Variants in FARS2 observed in about 807,000 individuals in gnomAD.
FARS2 encodes the protein phenylalanyl-tRNA synthetase 2, mitochondrial.
In FARS2, 40 loss-of-function variants were observed where a neutral mutation model predicts 46.4. That is an observed-to-expected ratio of 0.86 (90% CI 0.67 to 1.12). The LOEUF (loss-of-function observed/expected upper bound fraction) is 1.12, where lower values mean the gene tolerates loss of function less well. FARS2 is among the 50% of genes most tolerant of loss of function. FARS2 has a pLI of 0.00. For synonymous variants in FARS2, 234 were observed against 214.9 expected (o/e 1.09, Z -0.78); for missense variants, 513 against 567.9 (o/e 0.90, Z 0.98).
chr6:5,501,472 C>T (rs1215559382), intron 4 of FARS2, among the ~76,000 whole-genome samples: 4 of 151,866 alleles, frequency 2.6e-5, no homozygotes, highest in South Asian at 4.2e-4. Flanking sequence ...TTGGGGTTCT[C>T]ATTTTTTTAT....
chr6:5,261,782 C>G (rs1230256964), intron 1 of FARS2, 122 bp downstream of exon 1: 1 of 152,202 alleles, frequency 6.6e-6, no homozygotes, highest in Non-Finnish European at 1.5e-5. Flanking sequence ...GTGAAGAGTT[C>G]CCGTGGTTTT....
intron 4 of FARS2, among the ~76,000 whole-genome samples, chr6:5,456,472 G>C (rs575740771): frequency 6.7e-6 from 1 of 150,294 alleles, no homozygotes; most frequent in Admixed American, 6.6e-5. Context: ...GGTGGCTCAC[G>C]CCTGTAATCC....
At chr6:5,571,529 G>T (rs1772646604) in intron 5 of FARS2, among the ~76,000 whole-genome samples, 1 of 152,168 alleles carries the variant, frequency 6.6e-6, no homozygotes, top group Non-Finnish European at 1.5e-5. Flanking sequence ...CCTTTCCAGA[G>T]ATGGCTTTCT....
chr6:5,555,087 G>A (rs752697610), intron 5 of FARS2, among the ~76,000 whole-genome samples: 9 of 152,080 alleles, frequency 5.9e-5, no homozygotes, highest in Non-Finnish European at 1.2e-4. Context: ...AATCACGGGG[G>A]CGGTTTCCTC....
At chr6:5,470,832 G>T (rs1023473761) in intron 4 of FARS2, among the ~76,000 whole-genome samples, 11 of 152,172 alleles carry the variant, frequency 7.2e-5, no homozygotes, top group African/African-American at 2.7e-4. Context: ...AAGGTGAGTG[G>T]AAAGTAAAGA....
intron 2 of FARS2, among the ~76,000 whole-genome samples, chr6:5,388,267 G>C (rs187749921): frequency 6.6e-6 from 1 of 152,112 alleles, no homozygotes; most frequent in Non-Finnish European, 1.5e-5. Flanking sequence ...TGGCAGGGGG[G>C]AAATGGTTGC....
intron 5 of FARS2, among the ~76,000 whole-genome samples, chr6:5,557,365 T>C (rs1771723280): frequency 6.6e-6 from 1 of 152,142 alleles, no homozygotes; most frequent in Non-Finnish European, 1.5e-5. Flanking sequence ...CCACAAGCAT[T>C]ACCTCTTACG....
chr6:5,424,588 C>G (rs1215599394), intron 3 of FARS2, among the ~76,000 whole-genome samples: 1 of 152,084 alleles, frequency 6.6e-6, no homozygotes, highest in Non-Finnish European at 1.5e-5. Context: ...AAAATAGAAA[C>G]AGATATTTGT....
chr6:5,307,521 G>A (rs187136794), intron 1 of FARS2, among the ~76,000 whole-genome samples: 16 of 152,182 alleles, frequency 1.1e-4, no homozygotes, highest in Non-Finnish European at 5.9e-5. Context: ...AATTTCCGTC[G>A]TATCATATTG....
intron 4 of FARS2, among the ~76,000 whole-genome samples, chr6:5,473,326 A>T (rs1456721573): frequency 1.3e-5 from 2 of 152,004 alleles, no homozygotes; most frequent in Admixed American, 1.3e-4. Context: ...GGAGATTGAG[A>T]CCATCCTGGC....
intron 1 of FARS2, among the ~76,000 whole-genome samples, chr6:5,312,793 T>C (rs1769175981): frequency 2.0e-5 from 3 of 152,216 alleles, no homozygotes; most frequent in Admixed American, 6.5e-5. Flanking sequence ...GGCACAGTGT[T>C]GAATAGCAAA....
intron 4 of FARS2, among the ~76,000 whole-genome samples, chr6:5,474,486 A>T (rs546974787): frequency 3.5e-4 from 54 of 152,292 alleles, no homozygotes; most frequent in African/African-American, 1.2e-3. Flanking sequence ...GTATTTACAC[A>T]AACCTAGATT....
At chr6:5,673,844 T>A (rs1778610183) in intron 6 of FARS2, among the ~76,000 whole-genome samples, 1 of 152,174 alleles carries the variant, frequency 6.6e-6, no homozygotes. Flanking sequence ...CATATGAATA[T>A]ACATATAAAT....
intron 4 of FARS2, among the ~76,000 whole-genome samples, chr6:5,506,632 C>T (rs1332167531): frequency 6.6e-6 from 1 of 152,192 alleles, no homozygotes; most frequent in African/African-American, 2.4e-5. Context: ...GGACACCCAG[C>T]ATATACAAAC....
chr6:5,660,154 A>T (rs1777784725), intron 6 of FARS2, among the ~76,000 whole-genome samples: 2 of 152,178 alleles, frequency 1.3e-5, no homozygotes, highest in South Asian at 2.1e-4. Flanking sequence ...TCTTTCTTTC[A>T]TTCATACATT....
intron 1 of FARS2, among the ~76,000 whole-genome samples, chr6:5,303,322 G>A (rs1171603853): frequency 6.6e-6 from 1 of 152,196 alleles, no homozygotes; most frequent in African/African-American, 2.4e-5. Flanking sequence ...CAGCACCTGG[G>A]ACTGACTGGT....
rs143340011 is a variant in FARS2 at position 5,568,415 on chromosome 6, G to A, written c.1065+23075G>A. Among the ~76,000 whole-genome samples, 702 of 152,280 alleles carry A rather than the reference G, an allele frequency of 4.6e-3. 10 individuals carry two copies. The highest frequency in any genetic ancestry group is 0.015 in the African/African-American group (639 of 41,554). On this transcript the variant is annotated intron_variant, in intron 5 of 6. Transcript: ENST00000274680. Reference sequence around the variant, plus strand: ...AGCATCTGCTCTTGTGCCAGGCACCGTGCTTGACCCTGGGGACACAGGAAG... The same window carrying A: ...AGCATCTGCTCTTGTGCCAGGCACCATGCTTGACCCTGGGGACACAGGAAG...
At chr6:5,696,073 C>G (rs984092581) in intron 6 of FARS2, among the ~76,000 whole-genome samples, 4 of 152,214 alleles carry the variant, frequency 2.6e-5, no homozygotes, top group Admixed American at 6.5e-5. Flanking sequence ...TCAGTGCTGT[C>G]AAGCGTGCAG....
intron 4 of FARS2, among the ~76,000 whole-genome samples, chr6:5,437,575 G>C (rs911335866): frequency 6.6e-6 from 1 of 152,074 alleles, no homozygotes; most frequent in African/African-American, 2.4e-5. Flanking sequence ...ACGAGGAATT[G>C]TTCCTTTTAT....
Sources: gnomAD v4.1 joint callset for allele counts (sites outside exome capture counted in the v4.1 genomes callset) on GRCh38, gnomAD v4.1.1 for gene constraint, MANE v1.5 for transcripts, NCBI Gene and HGNC (gene_info 2026-07-23, HGNC 2026-07-21) for gene names.